Variants in NIT1 observed in about 807,000 individuals in gnomAD.
NIT1 encodes the protein deaminated glutathione amidase.
NIT1 carries 30 observed loss-of-function variants against 36.8 expected under a neutral mutation model. That is an observed-to-expected ratio of 0.82 (90% CI 0.61 to 1.11). The LOEUF (loss-of-function observed/expected upper bound fraction) is 1.11, where lower values mean the gene tolerates loss of function less well. Ranked by LOEUF, NIT1 falls within the 50% of genes least tolerant of loss-of-function variation. The probability of loss-of-function intolerance (pLI) is 0.00; values close to 1 mark genes in which losing one functional copy is unlikely to be tolerated. For missense variants in NIT1, 438 were observed against 410.6 expected (o/e 1.07, Z -0.58); for synonymous variants, 151 against 155.6 (o/e 0.97, Z 0.22).
intron 1 of NIT1, 157 bp from the exon 2 acceptor site, chr1:161,118,629 C>A: frequency 6.5e-7 from 1 of 1,526,820 alleles, no homozygotes. Context: ...TGGTCTTGTC[C>A]CTTAGCCTAT....
chr1:161,124,692 G>C (rs1326907390), downstream of NIT1: 2 of 914,674 alleles, frequency 2.2e-6, no homozygotes, highest in Non-Finnish European at 3.0e-6. Context: ...CCAGGCACAG[G>C]GGCTCACACC....
downstream of NIT1, chr1:161,123,787 C>G (rs1655836280): frequency 3.4e-6 from 5 of 1,476,376 alleles, no homozygotes; most frequent in Non-Finnish European, 4.7e-6. Flanking sequence ...GTGATGGGAT[C>G]AGTGTCCTTT....
rs144610510 is a variant in NIT1 at position 161,119,411 on chromosome 1, G to T, written c.353+23G>T. ...CAGGTATCAGGGAAATAGCGAGGGA[G>T]AGGTAGAATCTTTGTTGGACAGTGT... On this transcript the variant is annotated intron_variant, in intron 3 of 6. Transcript: ENST00000368009. 117 of 1,613,252 alleles carry T rather than the reference G, an allele frequency of 7.3e-5. 2 individuals are homozygous for T. In the Middle Eastern group the frequency reaches 1.2e-3, roughly 16 times the overall value.
chr1:161,119,748 A>G (rs1655234138), intron 4 of NIT1, 71 bp from the exon 5 acceptor site: 2 of 1,572,522 alleles, frequency 1.3e-6, no homozygotes, highest in African/African-American at 1.4e-5. Flanking sequence ...CCTATAAACT[A>G]TCTCCTCCTT....
downstream of NIT1, chr1:161,125,337 A>C (rs1328119686): frequency 6.6e-6 from 1 of 152,182 alleles, no homozygotes; most frequent in African/African-American, 2.4e-5. Context: ...TCATCCCTCC[A>C]CATTTTTCCT....
downstream of NIT1, chr1:161,124,555 A>G: frequency 6.6e-7 from 1 of 1,515,252 alleles, no homozygotes; most frequent in Admixed American, 2.1e-5. Context: ...AACCGATGAG[A>G]CACTCAAGGG....
rs758186781 is a variant in NIT1, at chr1:161,118,198, C to T, written c.2+20C>T. On this transcript the variant is annotated intron_variant, in intron 1 of 6. Transcript: ENST00000368009. ...CTTCATGTAGGACCTACTCCCTATC[C>T]CGTCGGCCGCGGTGAATCCCACCTG... 1 of 1,614,098 alleles carries T rather than the reference C, an allele frequency of 6.2e-7. No homozygotes were observed. The highest frequency in any genetic ancestry group is 1.7e-5 in the Admixed American group (1 of 60,032).
At position 161,118,158 on chromosome 1, in the gene NIT1, T is replaced by C. The variant is rs774646286; in HGVS notation, c.-19T>C. ...CGCCCTCCGGATCGGACCCTGCGAATGGTTTTGGCTATATCTTCATGTAGG... is the reference window on the plus strand; with the variant it reads ...CGCCCTCCGGATCGGACCCTGCGAACGGTTTTGGCTATATCTTCATGTAGG... On this transcript the variant is annotated 5_prime_UTR_variant, in exon 1 of 7. It removes an upstream start codon present in the reference 5' UTR. Transcript: ENST00000368009. 6.2e-7 allele frequency: 1 copy of C among 1,614,018 alleles called. No individual in the cohort carries two copies. The highest frequency in any genetic ancestry group is 8.5e-7 in the Non-Finnish European group (1 of 1,179,920).
chr1:161,122,652 C>T, downstream of NIT1: 2 of 1,187,228 alleles, frequency 1.7e-6, no homozygotes, highest in Non-Finnish European at 2.3e-6. This position sits in a 1 kb window ranked among gnomAD's most constrained non-coding sequence, Gnocchi z 4.2. Flanking sequence ...TTCTCTACCT[C>T]TTCCCCAGGA....
Position 161,118,121 on chromosome 1 carries a change from C to G in NIT1, c.-56C>G, listed in dbSNP as rs1317284694. 4 of 1,613,622 alleles carry G rather than the reference C, an allele frequency of 2.5e-6. No homozygotes were observed. The highest frequency in any genetic ancestry group is 2.5e-6 in the Non-Finnish European group (3 of 1,179,860). On this transcript the variant is annotated 5_prime_UTR_variant, in exon 1 of 7. Coordinates refer to ENST00000368009, the MANE Select transcript of NIT1 (RefSeq NM_005600.3). ...TTACCGCCCACTCGCTGCGGCGCTT[C>G]TGGCTCCAGACCGCCCTCCGGATCG...
Position 161,120,527 on chromosome 1 carries a change from C to G in NIT1, c.746C>G (p.Thr249Ser). The part of the protein sequence containing the change: ...EVLLRARAIE[T>S]QCYVVAAAQC... ...TTGCTGCGGGCCCGTGCTATCGAAA[C>G]CCAGTGCTATGTAGTGGCAGCAGCA... The change falls in exon 7 of 7, where the codon ACC (threonine) becomes AGC (serine). Residue 249 changes from threonine (T) to serine (S), a missense_variant. By Grantham distance (58) the Thr-to-Ser change is moderately conservative. Coordinates refer to ENST00000368009, the MANE Select transcript of NIT1 (RefSeq NM_005600.3). 6.2e-7 allele frequency: 1 copy of G among 1,614,190 alleles called. No individual in the cohort carries two copies. The highest frequency in any genetic ancestry group is 8.5e-7 in the Non-Finnish European group (1 of 1,180,042).
intron 1 of NIT1, chr1:161,118,520 C>T (rs777711028): frequency 3.6e-5 from 55 of 1,535,976 alleles, no homozygotes; most frequent in Non-Finnish European, 4.5e-5. Flanking sequence ...ACTGCGGAAA[C>T]GTTTGTCAGA....
chr1:161,123,887 T>G, downstream of NIT1: 5 of 1,614,098 alleles, frequency 3.1e-6, no homozygotes, highest in Non-Finnish European at 3.4e-6. Context: ...CTGAGGGCTC[T>G]GGGGGTCACA....
chr1:161,122,972 A>G (rs768730469), downstream of NIT1: 14 of 1,609,274 alleles, frequency 8.7e-6, no homozygotes, highest in South Asian at 1.4e-4. This position sits in a 1 kb window ranked among gnomAD's most constrained non-coding sequence, Gnocchi z 4.2. Flanking sequence ...ATGGCAATCA[A>G]AGTGAATCTC....
At chr1:161,123,950 TAGG>T (rs1655859285), downstream of NIT1, 10 of 1,613,348 alleles carry the variant, frequency 6.2e-6, no homozygotes, top group South Asian at 1.1e-5. Flanking sequence ...GGGCACACTG[TAGG>T]AGGAGAAGTA....
intron 6 of NIT1, 24 bp downstream of exon 6, chr1:161,120,256 A>T (rs748650403): frequency 1.7e-5 from 27 of 1,612,906 alleles, no homozygotes; most frequent in Non-Finnish European, 2.1e-5. Flanking sequence ...TTTTTAAAAC[A>T]TAAGGGCCTT....
In NIT1 at chr1:161,120,631, CGCT is replaced by C; in HGVS notation, c.854_856del (p.Cys285del). ...AGACCCCTGGGGAACAGTGGTGGCC[CGCT>C]GCTCTGAGGGGCCAGGCCTCTGCCT... is the stretch of plus-strand genomic sequence containing the variant. On this transcript the variant is annotated inframe_deletion, in exon 7 of 7. Coordinates refer to ENST00000368009, the MANE Select transcript of NIT1 (RefSeq NM_005600.3). 1 of 1,614,166 alleles carries C rather than the reference CGCT, an allele frequency of 6.2e-7. No homozygotes were observed. The highest frequency in any genetic ancestry group is 1.1e-5 in the South Asian group (1 of 91,068).
chr1:161,120,216 G>A lies in NIT1; in HGVS notation c.701G>A (p.Gly234Asp). ...TYPSAFGSIT[G>D]PAHWEVLLRA... The stretch of plus-strand genomic sequence containing the variant: ...CCTTCAGCTTTTGGATCCATTACAG[G>A]CCCAGCCCACTGGGAGGTAAGATGA... The change falls in exon 6 of 7, where the codon GGC becomes GAC. Residue 234 changes from glycine (G) to aspartate (D), a missense_variant. Transcript: ENST00000368009. 1 of 1,614,034 alleles carries A rather than the reference G, an allele frequency of 6.2e-7. No homozygotes were observed. The highest frequency in any genetic ancestry group is 8.5e-7 in the Non-Finnish European group (1 of 1,179,984).
downstream of NIT1, chr1:161,124,016 G>A: frequency 3.1e-6 from 5 of 1,588,454 alleles, no homozygotes; most frequent in Non-Finnish European, 3.4e-6. Flanking sequence ...ACCCCCAGTG[G>A]GCCTCACAAC....
Sources: gnomAD v4.1 joint callset for allele counts on GRCh38, gnomAD v4.1.1 for gene constraint, Gnocchi (gnomAD v3.1) non-coding constraint, MANE v1.5 for transcripts, NCBI Gene and HGNC (gene_info 2026-07-23, HGNC 2026-07-21) for gene names.